Variants in HECW2 observed in about 807,000 individuals in gnomAD.
The protein encoded by HECW2 is HECT, C2 and WW domain containing E3 ubiquitin protein ligase 2, also known as E3 ubiquitin-protein ligase HECW2.
HECW2 carries 61 observed loss-of-function variants against 175.2 expected under a neutral mutation model. The observed-to-expected ratio is 0.35, with a 90% CI of 0.28 to 0.43. The LOEUF (loss-of-function observed/expected upper bound fraction) is 0.43. HECW2 is among the 20% of genes least tolerant of loss of function. The pLI, the probability that HECW2 is intolerant of heterozygous loss-of-function variation, is 1.00. For synonymous variants in HECW2, 671 were observed against 731.0 expected (o/e 0.92, Z 1.32); for missense variants, 1,524 against 2,000.5 (o/e 0.76, Z 4.54).
intron 1 of HECW2, among the ~76,000 whole-genome samples, chr2:196,573,149 G>A (rs1690443890): frequency 6.6e-6 from 1 of 151,460 alleles, no homozygotes; most frequent in Non-Finnish European, 1.5e-5. Context: ...AGAGTGGCAG[G>A]CAGTTTTATA....
At chr2:196,246,038 T>C (rs1271333607) in intron 19 of HECW2, among the ~76,000 whole-genome samples, 1 of 152,182 alleles carries the variant, frequency 6.6e-6, no homozygotes, top group Non-Finnish European at 1.5e-5. Flanking sequence ...TATTCCCTTA[T>C]AAGAAGGTCA....
chr2:196,311,919 G>A (rs1691511388), intron 10 of HECW2, among the ~76,000 whole-genome samples: 1 of 152,192 alleles, frequency 6.6e-6, no homozygotes, highest in Non-Finnish European at 1.5e-5. Flanking sequence ...TGGACATGAA[G>A]GGAAAGTCGG....
intron 24 of HECW2, among the ~76,000 whole-genome samples, chr2:196,221,565 CT>C (rs150624179): frequency 0.012 from 1,857 of 152,012 alleles, 38 homozygotes; most frequent in African/African-American, 0.042. Flanking sequence ...CTTTATTTTT[CT>C]TTTCTTTTTT....
intron 13 of HECW2, among the ~76,000 whole-genome samples, chr2:196,297,869 A>T (rs1461655375): frequency 6.6e-6 from 1 of 152,212 alleles, no homozygotes; most frequent in African/African-American, 2.4e-5. Flanking sequence ...CCTGTTTTAT[A>T]CAGTCTGTCT....
At chr2:196,494,854 A>C (rs1687334324) in intron 1 of HECW2, among the ~76,000 whole-genome samples, 1 of 152,104 alleles carries the variant, frequency 6.6e-6, no homozygotes, top group African/African-American at 2.4e-5. Context: ...ACATGGTGAA[A>C]AGAGCTCCAA....
intron 2 of HECW2, among the ~76,000 whole-genome samples, chr2:196,405,058 C>G (rs2125215278): frequency 6.6e-6 from 1 of 151,218 alleles, no homozygotes; most frequent in East Asian, 2.0e-4. Context: ...GTCTCAATCT[C>G]CTGACCTCGT....
intron 3 of HECW2, among the ~76,000 whole-genome samples, chr2:196,337,884 A>G (rs2105813392): frequency 6.6e-6 from 1 of 152,268 alleles, no homozygotes; most frequent in South Asian, 2.1e-4. Context: ...AGCTGAAGCC[A>G]GTCATAGATC....
At chr2:196,285,011 T>C (rs1215517122) in intron 14 of HECW2, among the ~76,000 whole-genome samples, 1 of 152,206 alleles carries the variant, frequency 6.6e-6, no homozygotes, top group African/African-American at 2.4e-5. Flanking sequence ...CTGAAAGGAA[T>C]GCAAATACAC....
intron 7 of HECW2, among the ~76,000 whole-genome samples, chr2:196,321,341 C>T (rs1691933189): frequency 6.6e-6 from 1 of 151,968 alleles, no homozygotes; most frequent in African/African-American, 2.4e-5. Flanking sequence ...CATTTTCCTG[C>T]ACACAAGTAA....
At chr2:196,403,623 C>T (rs1694880480) in intron 2 of HECW2, among the ~76,000 whole-genome samples, 1 of 152,104 alleles carries the variant, frequency 6.6e-6, no homozygotes, top group South Asian at 2.1e-4. Flanking sequence ...TACAGCTAAC[C>T]TAGTCTGTGA....
At chr2:196,410,509 GT>G (rs774254131) in intron 2 of HECW2, among the ~76,000 whole-genome samples, 1 of 152,104 alleles carries the variant, frequency 6.6e-6, no homozygotes, top group Non-Finnish European at 1.5e-5. Context: ...AAAGGGGGGA[GT>G]TTTTTAGGTC....
chr2:196,571,688 G>A (rs1451369462), intron 1 of HECW2, among the ~76,000 whole-genome samples: 1 of 151,670 alleles, frequency 6.6e-6, no homozygotes, highest in Non-Finnish European at 1.5e-5. Flanking sequence ...GCAATGGGAT[G>A]AGATTCTGTC....
At chr2:196,556,767 G>C (rs1321143586) in intron 1 of HECW2, among the ~76,000 whole-genome samples, 1 of 152,118 alleles carries the variant, frequency 6.6e-6, no homozygotes, top group Non-Finnish European at 1.5e-5. Flanking sequence ...GATATCCCAA[G>C]CATAACACAG....
intron 2 of HECW2, among the ~76,000 whole-genome samples, chr2:196,430,030 C>T (rs138599994): frequency 6.6e-6 from 1 of 152,280 alleles, no homozygotes; most frequent in East Asian, 1.9e-4. Context: ...GTGAAGAGAC[C>T]TGGCTAGCAC....
rs34890135 is a variant in HECW2, at chr2:196,210,788, A to ATT, written c.4607+5075_4607+5076dup. Among the ~76,000 whole-genome samples the ATT allele has an allele frequency of 2.4e-3, 342 of 142,910 alleles. 1 individual carries two copies. The highest frequency in any genetic ancestry group is 7.4e-3 in the African/African-American group (286 of 38,802). 93.8% of individuals were successfully genotyped at this position (142,910 alleles called of 152,430 possible). A position where few individuals can be genotyped will look rare whatever the true frequency, so the allele number is the denominator to read the frequency against. On this transcript the variant is annotated intron_variant, in intron 28 of 28. Transcript: ENST00000644978. ...ACCACCATGCCTGGCTAATTTTTGT[A>ATT]TTTTTTTTTTTTTAAGTAGAGATGG...
chr2:196,287,355 A>G (rs1690430529), intron 14 of HECW2, among the ~76,000 whole-genome samples: 1 of 152,182 alleles, frequency 6.6e-6, no homozygotes, highest in African/African-American at 2.4e-5. Context: ...CCCATTGTAT[A>G]TTTTTATTTT....
intron 10 of HECW2, among the ~76,000 whole-genome samples, chr2:196,309,729 G>GC (rs1691412712): frequency 6.6e-6 from 1 of 152,044 alleles, no homozygotes; most frequent in Admixed American, 6.5e-5. Flanking sequence ...GTTTACAGTA[G>GC]TCCCAATTTT....
At chr2:196,207,513 T>C (rs369478019) in intron 28 of HECW2, among the ~76,000 whole-genome samples, 10 of 152,312 alleles carry the variant, frequency 6.6e-5, no homozygotes, top group African/African-American at 2.4e-4. Context: ...GTGTAACTTA[T>C]GGCAGCAGAG....
Position 196,315,361 on chromosome 2 carries a change from T to C in HECW2, c.2434+1913A>G, listed in dbSNP as rs144623882. ...AATTTTGGGTGGGACAATTCTTAGTTGTATCAGACTGTCTCCCCATTGCAG... is the reference window on the plus strand; with the variant it reads ...AATTTTGGGTGGGACAATTCTTAGTCGTATCAGACTGTCTCCCCATTGCAG... On this transcript the variant is annotated intron_variant, in intron 10 of 28. Coordinates refer to ENST00000644978, the MANE Select transcript of HECW2 (RefSeq NM_001348768.2). 3.0e-4 allele frequency among the ~76,000 whole-genome samples: 46 copies of C among 152,288 alleles called. No homozygotes were observed. In the East Asian group the frequency reaches 8.1e-3, roughly 27 times the overall value.
Sources: allele counts gnomAD v4.1 joint callset (sites outside exome capture counted in the v4.1 genomes callset), GRCh38; gene constraint gnomAD v4.1.1; transcripts MANE v1.5; gene names NCBI Gene and HGNC (gene_info 2026-07-23, HGNC 2026-07-21).